The following C2CD3 variants were observed in gnomAD, a reference collection of about 807,000 sequenced individuals.
The protein encoded by C2CD3 is C2 domain containing 3 centriole elongation regulator, also known as C2 domain-containing protein 3.
C2CD3 carries 148 observed loss-of-function variants against 234.0 expected under a neutral mutation model. That is an observed-to-expected ratio of 0.63 (90% CI 0.55 to 0.72). C2CD3 has a LOEUF of 0.72. Ranked by LOEUF, C2CD3 falls within the 30% of genes least tolerant of loss-of-function variation. The pLI, the probability that C2CD3 is intolerant of heterozygous loss-of-function variation, is 0.00. For synonymous variants in C2CD3, 1,000 were observed against 1,035.4 expected (o/e 0.97, Z 0.66); for missense variants, 2,577 against 2,811.5 (o/e 0.92, Z 1.89).
intron 24 of C2CD3, among the ~76,000 whole-genome samples, chr11:74,058,972 C>A (rs1212316150): frequency 6.6e-6 from 1 of 152,064 alleles, no homozygotes; most frequent in Non-Finnish European, 1.5e-5. Flanking sequence ...ACAGAAAGTT[C>A]TTTTGGATAG....
intron 24 of C2CD3, among the ~76,000 whole-genome samples, chr11:74,069,502 T>C (rs1387801823): frequency 1.3e-5 from 2 of 152,270 alleles, no homozygotes; most frequent in African/African-American, 2.4e-5. Context: ...CATATTTAGA[T>C]AATGCGTTAC....
chr11:74,097,536 GT>G (rs1185866260), intron 16 of C2CD3, among the ~76,000 whole-genome samples: 5 of 152,232 alleles, frequency 3.3e-5, no homozygotes, highest in Non-Finnish European at 5.9e-5. Flanking sequence ...TCAGGTAGTT[GT>G]TAGGGAAATA....
chr11:74,117,111 TA>T lies in C2CD3; in HGVS notation c.1520+1116del, dbSNP rs1230597095. On this transcript the variant is annotated intron_variant, in intron 9 of 32. Transcript: ENST00000334126. ...GAATATATATATATGAATATATATATATGAATATATATATATGAATATATAT... is the reference window on the plus strand; with the variant it reads ...GAATATATATATATGAATATATATATTGAATATATATATATGAATATATAT... Among the ~76,000 whole-genome samples, 9 of 58,834 alleles carry T rather than the reference TA, an allele frequency of 1.5e-4. 1 individual carries two copies. Among genetic ancestry groups the T allele is most frequent in the Non-Finnish European group, 2.3e-4 (8 of 34,510 alleles). 38.6% of individuals were successfully genotyped at this position (58,834 alleles called of 152,430 possible).
At position 74,032,382 on chromosome 11, in the gene C2CD3, C is replaced by T. The variant is rs187162063; in HGVS notation, c.6809+969G>A. 4.6e-5 allele frequency among the ~76,000 whole-genome samples: 7 copies of T among 152,246 alleles called. No individual in the cohort carries two copies. The South Asian group carries it at 1.0e-3, about 23-fold the overall frequency. On this transcript the variant is annotated intron_variant, in intron 31 of 32. Transcript: ENST00000334126. Reference sequence around the variant, plus strand: ...ATAGCAGGTGAGCTGATCTGATCAGCTGGTTAGGCTACAGGTGTGAAGGCT... The same window carrying T: ...ATAGCAGGTGAGCTGATCTGATCAGTTGGTTAGGCTACAGGTGTGAAGGCT...
At chr11:74,143,098 C>T (rs1477426439) in intron 3 of C2CD3, among the ~76,000 whole-genome samples, 1 of 152,150 alleles carries the variant, frequency 6.6e-6, no homozygotes, top group African/African-American at 2.4e-5. Flanking sequence ...TATCACCCCT[C>T]TTCCAAAGCC....
chr11:74,080,423 T>C (rs76142426), intron 22 of C2CD3, among the ~76,000 whole-genome samples: 3,312 of 152,274 alleles, frequency 0.022, 68 homozygotes, highest in African/African-American at 0.047. Context: ...CACAGCTTAA[T>C]GGTTCTTAAC....
At chr11:74,153,806 TAC>T (rs1260507468) in intron 3 of C2CD3, among the ~76,000 whole-genome samples, 1 of 152,102 alleles carries the variant, frequency 6.6e-6, no homozygotes, top group Non-Finnish European at 1.5e-5. Context: ...GCTGCAGTAA[TAC>T]AGTGTTGCTA....
intron 1 of C2CD3, among the ~76,000 whole-genome samples, chr11:74,169,942 A>G (rs1002260499): frequency 2.0e-5 from 3 of 152,164 alleles, no homozygotes; most frequent in African/African-American, 7.2e-5. Context: ...ACTGCCTACA[A>G]TGCAAAAAGG....
rs537746854 is a variant in C2CD3, at chr11:74,049,321, G to A, written c.5361+16C>T. The A allele has an allele frequency of 1.2e-6, 2 of 1,603,158 alleles. No individual in the cohort carries two copies. The highest frequency in any genetic ancestry group is 4.5e-5 in the East Asian group (2 of 44,848). ...TACAATTCGTATTGGTTAGGGATGT[G>A]AATCTCCATACATACCAGTGATTTT... On this transcript the variant is annotated intron_variant, in intron 27 of 32. Coordinates refer to ENST00000334126, the MANE Select transcript of C2CD3 (RefSeq NM_001286577.2).
At chr11:74,120,053 T>C (rs958998255) in intron 8 of C2CD3, among the ~76,000 whole-genome samples, 15 of 152,182 alleles carry the variant, frequency 9.9e-5, no homozygotes, top group African/African-American at 3.4e-4. Context: ...TTAAATTTTA[T>C]ATAATGTCAA....
intron 24 of C2CD3, among the ~76,000 whole-genome samples, chr11:74,073,448 G>A (rs916494529): frequency 4.6e-5 from 7 of 152,026 alleles, no homozygotes; most frequent in Non-Finnish European, 1.0e-4. Context: ...TTAGCCAGGA[G>A]TGGTGGCACA....
chr11:74,074,452 C>G lies in C2CD3; in HGVS notation c.4752G>C (p.Gln1584His). 6.2e-7 allele frequency: 1 copy of G among 1,614,210 alleles called. No homozygotes were observed. Among genetic ancestry groups the G allele is most frequent in the Non-Finnish European group, 8.5e-7 (1 of 1,180,040 alleles). Residue 1584 changes from glutamine to histidine, a missense_variant, in exon 24 of 33, where the codon CAG (glutamine) becomes CAC (histidine). By Grantham distance (24) the Gln-to-His change is conservative (BLOSUM62 0). Coordinates refer to ENST00000334126, the MANE Select transcript of C2CD3 (RefSeq NM_001286577.2). ...GGACCTCATCATTCCTTCTGGGGAGCTGCTCAGACTCACTGTGGCTGCTGC... is the reference window on the plus strand; with the variant it reads ...GGACCTCATCATTCCTTCTGGGGAGGTGCTCAGACTCACTGTGGCTGCTGC... Reference protein sequence around the residue: ...MDCSSHSESEQLPRRNDEVQL... With the variant: ...MDCSSHSESEHLPRRNDEVQL...
At chr11:74,123,464 A>G (rs953728155) in intron 7 of C2CD3, among the ~76,000 whole-genome samples, 1 of 152,134 alleles carries the variant, frequency 6.6e-6, no homozygotes, top group Non-Finnish European at 1.5e-5. Context: ...CTCTTGTATT[A>G]TTTATAGTCT....
At chr11:74,081,797 G>A (rs1424818786) in intron 22 of C2CD3, among the ~76,000 whole-genome samples, 1 of 152,162 alleles carries the variant, frequency 6.6e-6, no homozygotes, top group African/African-American at 2.4e-5. Flanking sequence ...TGCTATTGGT[G>A]TATAGGAATG....
At chr11:74,022,885 G>A (rs992215377) in intron 32 of C2CD3, among the ~76,000 whole-genome samples, 5 of 152,328 alleles carry the variant, frequency 3.3e-5, no homozygotes, top group African/African-American at 7.2e-5. Context: ...TTGCAGAGGC[G>A]ACAGCCAGAA....
In C2CD3 at chr11:74,138,977, T is replaced by G. The variant is rs751365589; in HGVS notation, c.708-10A>C. The stretch of plus-strand genomic sequence containing the variant: ...TACATGGTCTTTTCCCCTGTTTTTT[T>G]AAAAAGGGAGAACATCAGCAATATA... On this transcript the variant is annotated splice_polypyrimidine_tract_variant and intron_variant, in intron 4 of 32. Coordinates refer to ENST00000334126, the MANE Select transcript of C2CD3 (RefSeq NM_001286577.2). 1 of 1,594,866 alleles carries G rather than the reference T, an allele frequency of 6.3e-7. No individual in the cohort carries two copies. The highest frequency in any genetic ancestry group is 8.6e-7 in the Non-Finnish European group (1 of 1,167,686).
chr11:74,034,562 G>T lies in C2CD3; in HGVS notation c.5882-284C>A, dbSNP rs368212101. ...CATGCTCAGGAATCGTTGGGAGCTG[G>T]GAGTCCTGGTGGGCATGTTCATGCT... On this transcript the variant is annotated intron_variant, in intron 30 of 32. Transcript: ENST00000334126. 58 of 1,613,768 alleles carry T rather than the reference G, an allele frequency of 3.6e-5. 1 individual carries two copies. In the African/African-American group the frequency reaches 6.1e-4, roughly 17 times the overall value.
At position 74,143,534 on chromosome 11, in the gene C2CD3, T is replaced by TA. The variant is rs1854950442; in HGVS notation, c.484-3707_484-3706insT. Among the ~76,000 whole-genome samples the TA allele has an allele frequency of 2.1e-5, 3 of 140,852 alleles. No homozygotes were observed. In the South Asian group the frequency reaches 6.8e-4, roughly 32 times the overall value. 92.4% of individuals were successfully genotyped at this position (140,852 alleles called of 152,430 possible). ...CATCAAGCTAATTTTATTTTATATA[T>TA]TTATATATATATATATTTAATATAT... On this transcript the variant is annotated intron_variant, in intron 3 of 32. Transcript: ENST00000334126.
At chr11:74,150,280 C>T (rs1196915192) in intron 3 of C2CD3, among the ~76,000 whole-genome samples, 1 of 150,750 alleles carries the variant, frequency 6.6e-6, no homozygotes. Flanking sequence ...AGTTTGAAAC[C>T]AGCCTGGCCA....
Sources: gnomAD v4.1 joint callset for allele counts (sites outside exome capture counted in the v4.1 genomes callset) on GRCh38, gnomAD v4.1.1 for gene constraint, MANE v1.5 for transcripts, NCBI Gene and HGNC (gene_info 2026-07-23, HGNC 2026-07-21) for gene names.